The following SH3RF3 variants were observed in gnomAD, a reference collection of about 807,000 sequenced individuals.
The protein encoded by SH3RF3 is SH3 domain containing ring finger 3.
SH3RF3 carries 29 observed loss-of-function variants against 66.3 expected under a neutral mutation model. That is an observed-to-expected ratio of 0.44 (90% confidence interval 0.33 to 0.60). The LOEUF (loss-of-function observed/expected upper bound fraction) is 0.60. SH3RF3 is among the 20% of genes least tolerant of loss of function. The pLI is 0.04. For missense variants in SH3RF3, 1,194 were observed against 1,190.9 expected (o/e 1.00, Z -0.04); for synonymous variants, 583 against 532.0 (o/e 1.10, Z -1.32).
At chr2:109,301,996 G>A (rs1230824900) in intron 1 of SH3RF3, among the ~76,000 whole-genome samples, 3 of 152,184 alleles carry the variant, frequency 2.0e-5, no homozygotes, top group African/African-American at 7.2e-5. Flanking sequence ...CAGCATCTTC[G>A]TTGTGTGACT....
chr2:109,216,076 A>G (rs1219647193), intron 1 of SH3RF3, among the ~76,000 whole-genome samples: 2 of 152,150 alleles, frequency 1.3e-5, no homozygotes, highest in Admixed American at 6.5e-5. Context: ...GTCAGTCTGA[A>G]GAACGGAGCC....
Position 109,245,633 on chromosome 2 carries a change from G to A in SH3RF3, c.574-102041G>A, listed in dbSNP as rs949590213. 3.9e-5 allele frequency among the ~76,000 whole-genome samples: 6 copies of A among 152,256 alleles called. No homozygotes were observed. In the East Asian group the frequency reaches 1.2e-3, roughly 29 times the overall value. On this transcript the variant is annotated intron_variant, in intron 1 of 9. Transcript: ENST00000309415. ...AAGTCTATATATAAAATAACTTTAC[G>A]AGTTTTCATATTTGCTTCTTATCCC...
At chr2:109,292,226 T>C (rs1315264753) in intron 1 of SH3RF3, among the ~76,000 whole-genome samples, 3 of 152,198 alleles carry the variant, frequency 2.0e-5, no homozygotes, top group Non-Finnish European at 4.4e-5. Flanking sequence ...CTACAGAAAA[T>C]TTGTAATGTA....
In SH3RF3 at chr2:109,394,851, C is replaced by T. The variant is rs115280212; in HGVS notation, c.946-3739C>T. Among the ~76,000 whole-genome samples the T allele has an allele frequency of 3.5e-3, 533 of 152,326 alleles. 7 individuals carry two copies. The highest frequency in any genetic ancestry group is 0.012 in the African/African-American group (491 of 41,570). On this transcript the variant is annotated intron_variant, in intron 3 of 9. Coordinates refer to ENST00000309415, the MANE Select transcript of SH3RF3 (RefSeq NM_001099289.3). Reference sequence around the variant, plus strand: ...GCAGCATGGAGGCCTGTGCGCGAGACGAGTCTGCACCAACTTGCAGAGTGA... The same window carrying T: ...GCAGCATGGAGGCCTGTGCGCGAGATGAGTCTGCACCAACTTGCAGAGTGA...
At chr2:109,473,759 C>T (rs1450428193) in intron 8 of SH3RF3, among the ~76,000 whole-genome samples, 1 of 149,310 alleles carries the variant, frequency 6.7e-6, no homozygotes, top group Non-Finnish European at 1.5e-5. Flanking sequence ...AGGCTACCTC[C>T]TCCCCTGTAA....
intron 2 of SH3RF3, among the ~76,000 whole-genome samples, chr2:109,367,060 C>T (rs1458991967): frequency 1.3e-5 from 2 of 150,270 alleles, no homozygotes; most frequent in Non-Finnish European, 2.9e-5. Context: ...TCAAGAGATT[C>T]TCGTGCCTCA....
chr2:109,326,364 T>G (rs1682156472), intron 1 of SH3RF3, among the ~76,000 whole-genome samples: 1 of 152,210 alleles, frequency 6.6e-6, no homozygotes, highest in African/African-American at 2.4e-5. Context: ...TTGTTCTTTT[T>G]TTTTAATGTT....
At chr2:109,418,482 A>T (rs1361880555) in intron 4 of SH3RF3, among the ~76,000 whole-genome samples, 2 of 152,054 alleles carry the variant, frequency 1.3e-5, no homozygotes, top group Non-Finnish European at 2.9e-5. Context: ...GGCTGCCGGC[A>T]TCCTCAGCAC....
chr2:109,332,627 G>T (rs775776123), intron 1 of SH3RF3, among the ~76,000 whole-genome samples: 5 of 152,210 alleles, frequency 3.3e-5, no homozygotes, highest in African/African-American at 4.8e-5. Context: ...AGCCAGGGCT[G>T]CCCCGTGGGT....
At chr2:109,302,876 TTTTG>T (rs1453486546) in intron 1 of SH3RF3, among the ~76,000 whole-genome samples, 2 of 152,102 alleles carry the variant, frequency 1.3e-5, no homozygotes, top group Non-Finnish European at 2.9e-5. Context: ...CCTTAGCTTT[TTTTG>T]TTTGTTTGTT....
chr2:109,481,355 G>A (rs1478936919), intron 8 of SH3RF3, among the ~76,000 whole-genome samples: 2 of 152,160 alleles, frequency 1.3e-5, no homozygotes, highest in Non-Finnish European at 2.9e-5. Context: ...GAGCAAATAC[G>A]GAAAAACAAG....
intron 1 of SH3RF3, among the ~76,000 whole-genome samples, chr2:109,200,206 A>T (rs1678636853): frequency 1.3e-5 from 2 of 152,038 alleles, no homozygotes; most frequent in African/African-American, 4.8e-5. Flanking sequence ...AAACTCCAGA[A>T]CACCCCATCT....
At chr2:109,207,876 C>T (rs931666048) in intron 1 of SH3RF3, among the ~76,000 whole-genome samples, 14 of 152,084 alleles carry the variant, frequency 9.2e-5, no homozygotes, top group Admixed American at 3.9e-4. Flanking sequence ...AACAAATTGG[C>T]CTATGGCAGT....
chr2:109,229,901 T>TG (rs1242181814), intron 1 of SH3RF3, among the ~76,000 whole-genome samples: 28 of 151,084 alleles, frequency 1.9e-4, no homozygotes, highest in Admixed American at 1.6e-3. Flanking sequence ...CTTGGCTCAC[T>TG]GCAAGCTCTG....
chr2:109,331,402 A>AT (rs1682282349), intron 1 of SH3RF3, among the ~76,000 whole-genome samples: 1 of 151,948 alleles, frequency 6.6e-6, no homozygotes, highest in Non-Finnish European at 1.5e-5. Flanking sequence ...TCATGAACTG[A>AT]TTGGAGTGTG....
At chr2:109,291,343 C>CAG (rs1044725520) in intron 1 of SH3RF3, among the ~76,000 whole-genome samples, 1 of 149,854 alleles carries the variant, frequency 6.7e-6, no homozygotes, top group Non-Finnish European at 1.5e-5. Flanking sequence ...GTTCTACATG[C>CAG]AGCTGCCTCT....
At chr2:109,400,324 A>G (rs1676272306) in intron 4 of SH3RF3, among the ~76,000 whole-genome samples, 1 of 152,010 alleles carries the variant, frequency 6.6e-6, no homozygotes, top group Admixed American at 6.6e-5. Context: ...ACACACATAT[A>G]CCTGCACACC....
At position 109,432,580 on chromosome 2, in the gene SH3RF3, G is replaced by C; in HGVS notation, c.1483G>C (p.Glu495Gln). The C allele has an allele frequency of 6.2e-7, 1 of 1,613,572 alleles. No homozygotes were observed. Among genetic ancestry groups the C allele is most frequent in the Non-Finnish European group, 8.5e-7 (1 of 1,179,748 alleles). ...CAAGGGAGAGATGTACCGGGTCCTC[G>C]AGAAGTGTCAGGATGGCTGGTTCAA... ...LHKGEMYRVL[E>Q]KCQDGWFKGA... The change falls in exon 6 of 10, where the codon GAG becomes CAG. Residue 495 changes from glutamate (E) to glutamine (Q), a missense_variant. Glu to Gln is a conservative substitution (Grantham distance 29). Coordinates refer to ENST00000309415, the MANE Select transcript of SH3RF3 (RefSeq NM_001099289.3).
At chr2:109,296,781 T>C (rs913261042) in intron 1 of SH3RF3, among the ~76,000 whole-genome samples, 2 of 152,116 alleles carry the variant, frequency 1.3e-5, no homozygotes, top group Non-Finnish European at 2.9e-5. Flanking sequence ...CGTGTGGGAA[T>C]AGGCAGTGGT....
Sources: gnomAD v4.1 joint callset for allele counts (sites outside exome capture counted in the v4.1 genomes callset) on GRCh38, gnomAD v4.1.1 for gene constraint, MANE v1.5 for transcripts, NCBI Gene and HGNC (gene_info 2026-07-23, HGNC 2026-07-21) for gene names.